The following NHS variants were observed in gnomAD, a reference collection of about 807,000 sequenced individuals.
NHS encodes the protein NHS actin remodeling regulator, also known as actin remodeling regulator NHS.
NHS carries 5 observed loss-of-function variants against 72.5 expected under a neutral mutation model. The ratio of observed to expected loss-of-function variants is 0.07; its 90% CI spans 0.04 to 0.14. The LOEUF is 0.14. Among genes scored for constraint, NHS ranks in the 10% least tolerant of loss-of-function variants. NHS has a pLI of 1.00. For synonymous variants in NHS, 464 were observed against 547.7 expected (o/e 0.85, Z 2.13); for missense variants, 1,072 against 1,355.7 (o/e 0.79, Z 3.29).
chrX:17,574,564 A>T (rs1290120219), intron 1 of NHS, among the ~76,000 whole-genome samples: 1 of 111,811 alleles, frequency 8.9e-6, no homozygotes, highest in Non-Finnish European at 1.9e-5. Flanking sequence ...AAAGCGCAGT[A>T]TTTGGGCTGA....
At chrX:17,430,439 C>T (rs1340492879) in intron 1 of NHS, among the ~76,000 whole-genome samples, 10 of 87,288 alleles carry the variant, frequency 1.1e-4, no homozygotes, top group African/African-American at 4.0e-4. Context: ...CTTTCTTTCT[C>T]TCTCTCTCTT....
At chrX:17,379,635 C>T (rs375915318) in intron 1 of NHS, among the ~76,000 whole-genome samples, 58 of 111,100 alleles carry the variant, frequency 5.2e-4, no homozygotes, top group East Asian at 3.1e-3. Flanking sequence ...ATTAGCCAGG[C>T]GTGGTGGCAG....
At chrX:17,665,579 G>A (rs1034034388) in intron 1 of NHS, among the ~76,000 whole-genome samples, 4 of 110,128 alleles carry the variant, frequency 3.6e-5, no homozygotes, top group East Asian at 2.8e-4. Flanking sequence ...CACCCGCCTC[G>A]GCCTCCCAAA....
intron 8 of NHS, 108 bp downstream of exon 8, chrX:17,728,883 T>C (rs969895682): frequency 2.2e-5 from 22 of 1,002,333 alleles, no homozygotes; most frequent in African/African-American, 3.8e-5. Flanking sequence ...GTAATTGTAA[T>C]ACATTCAGCA....
chrX:17,723,048 A>C (rs2147139420), intron 5 of NHS, among the ~76,000 whole-genome samples: 1 of 112,266 alleles, frequency 8.9e-6, no homozygotes, highest in South Asian at 3.7e-4. Flanking sequence ...AATGCATTCT[A>C]TAATTACTAA....
chrX:17,553,596 A>G (rs1350112982), intron 1 of NHS, among the ~76,000 whole-genome samples: 1 of 111,909 alleles, frequency 8.9e-6, no homozygotes. Context: ...CAAGAGCAAC[A>G]GGAATGAACT....
chrX:17,722,756 G>T (rs184143167), intron 5 of NHS, among the ~76,000 whole-genome samples: 1 of 110,720 alleles, frequency 9.0e-6, no homozygotes, highest in African/African-American at 3.3e-5. Flanking sequence ...CTGCCAAAAT[G>T]GATCATTTTG....
intron 1 of NHS, among the ~76,000 whole-genome samples, chrX:17,377,389 G>A (rs2064352260): frequency 8.8e-6 from 1 of 113,207 alleles, no homozygotes; most frequent in Non-Finnish European, 1.9e-5. Context: ...GACCCAGGAG[G>A]TAGACAGGGG....
intron 1 of NHS, among the ~76,000 whole-genome samples, chrX:17,376,716 T>C (rs752211859): frequency 8.9e-6 from 1 of 112,405 alleles, no homozygotes; most frequent in South Asian, 3.7e-4. Context: ...ACTCCTGTGG[T>C]TTCCAGAAGC....
intron 1 of NHS, among the ~76,000 whole-genome samples, chrX:17,540,847 A>G (rs2065258714): frequency 8.9e-6 from 1 of 111,905 alleles, no homozygotes; most frequent in South Asian, 3.7e-4. Context: ...TGGGAGGCCA[A>G]GACGGGTGGA....
Position 17,433,505 on chromosome X carries a change from G to A in NHS, c.565+57183G>A, listed in dbSNP as rs780863516. ...TAGGGCATGGCTGGTTAGAGAGAAT[G>A]AGAAGTCACTTGGCTGGTGGTCCAA... On this transcript the variant is annotated intron_variant, in intron 1 of 8. Coordinates refer to ENST00000676302, the MANE Select transcript of NHS (RefSeq NM_001291867.2). Among the ~76,000 whole-genome samples the A allele has an allele frequency of 2.7e-5, 3 of 110,676 alleles. No homozygotes were observed. The South Asian group carries it at 1.2e-3, about 43-fold the overall frequency.
At chrX:17,600,804 C>T (rs186596751) in intron 1 of NHS, among the ~76,000 whole-genome samples, 345 of 108,386 alleles carry the variant, frequency 3.2e-3, no homozygotes, top group Non-Finnish European at 4.9e-3. Flanking sequence ...GGTGGGGGAG[C>T]GAGAAGGAAG....
chrX:17,421,226 C>CGTGTGTGT (rs773736556), intron 1 of NHS, among the ~76,000 whole-genome samples: 1 of 99,691 alleles, frequency 1.0e-5, no homozygotes, highest in African/African-American at 3.9e-5. Context: ...AGCAGCTCTA[C>CGTGTGTGT]GTGTGTGTGT....
chrX:17,398,454 T>C (rs2146850510), intron 1 of NHS, among the ~76,000 whole-genome samples: 1 of 112,680 alleles, frequency 8.9e-6, no homozygotes, highest in African/African-American at 3.2e-5. Flanking sequence ...TCTAACTTCA[T>C]GTGGACATTG....
intron 1 of NHS, among the ~76,000 whole-genome samples, chrX:17,425,568 A>AAAAAAG (rs2064651928): frequency 1.3e-5 from 1 of 77,090 alleles, no homozygotes; most frequent in African/African-American, 6.3e-5. Flanking sequence ...AAAAAAAAAA[A>AAAAAAG]AAAGAAAGAA....
chrX:17,558,748 C>T (rs898744142), intron 1 of NHS, among the ~76,000 whole-genome samples: 2 of 112,301 alleles, frequency 1.8e-5, no homozygotes, highest in African/African-American at 6.5e-5. Flanking sequence ...AGGAAAGTTT[C>T]CTCCAGGTCT....
chrX:17,605,501 T>G (rs900259782), intron 1 of NHS, among the ~76,000 whole-genome samples: 1 of 111,425 alleles, frequency 9.0e-6, no homozygotes, highest in Non-Finnish European at 1.9e-5. Context: ...GGGCTCATAA[T>G]GTTTTCCCTG....
intron 1 of NHS, among the ~76,000 whole-genome samples, chrX:17,407,276 G>A (rs928981388): frequency 9.0e-6 from 1 of 110,875 alleles, no homozygotes; most frequent in African/African-American, 3.3e-5. Flanking sequence ...ACTATATTTT[G>A]TTTTCCTTTT....
intron 1 of NHS, among the ~76,000 whole-genome samples, chrX:17,411,933 T>A (rs2146859494): frequency 9.0e-6 from 1 of 111,590 alleles, no homozygotes; most frequent in East Asian, 2.8e-4. Context: ...CACAATGGTA[T>A]TAGAATTATG....
Sources: gnomAD v4.1 joint callset for allele counts (sites outside exome capture counted in the v4.1 genomes callset) on GRCh38, gnomAD v4.1.1 for gene constraint, MANE v1.5 for transcripts, NCBI Gene and HGNC (gene_info 2026-07-23, HGNC 2026-07-21) for gene names.